The following ZFHX3 variants were observed in gnomAD, a reference collection of about 807,000 sequenced individuals.
ZFHX3 encodes zinc finger homeobox protein 3.
ZFHX3 carries 42 observed loss-of-function variants against 279.1 expected under a neutral mutation model. The ratio of observed to expected loss-of-function variants is 0.15; its 90% CI spans 0.12 to 0.19. ZFHX3 has a LOEUF of 0.19. ZFHX3 is among the 10% of genes least tolerant of loss of function. ZFHX3 has a pLI of 1.00. For missense variants in ZFHX3, 4,981 were observed against 4,754.0 expected (o/e 1.05, Z -1.40); for synonymous variants, 2,293 against 1,957.8 (o/e 1.17, Z -4.52).
At chr16:73,383,496 A>C (rs578089021) in intron 3 of ZFHX3, among the ~76,000 whole-genome samples, 1 of 152,196 alleles carries the variant, frequency 6.6e-6, no homozygotes, top group African/African-American at 2.4e-5. Context: ...ACGCACACAG[A>C]CGAGAGCTGC....
chr16:73,858,613 A>G (rs887295628), intron 1 of ZFHX3, among the ~76,000 whole-genome samples: 1 of 152,238 alleles, frequency 6.6e-6, no homozygotes, highest in African/African-American at 2.4e-5. Flanking sequence ...TGTCTTGTAA[A>G]TAGATGACAT....
chr16:72,814,403 G>C (rs2036546735), intron 5 of ZFHX3, among the ~76,000 whole-genome samples: 2 of 152,134 alleles, frequency 1.3e-5, no homozygotes. Flanking sequence ...TGGGCACCGA[G>C]GCTGAGACCA....
At chr16:73,763,646 T>G (rs2053896028) in intron 1 of ZFHX3, among the ~76,000 whole-genome samples, 1 of 152,134 alleles carries the variant, frequency 6.6e-6, no homozygotes, top group South Asian at 2.1e-4. Flanking sequence ...TCCTTTTGAA[T>G]GGGTGTGGAA....
intron 3 of ZFHX3, among the ~76,000 whole-genome samples, chr16:72,937,600 G>T (rs1195463448): frequency 2.0e-5 from 3 of 152,230 alleles, no homozygotes; most frequent in Non-Finnish European, 2.9e-5. Flanking sequence ...AGCCCCCATG[G>T]AGGACCAGGT....
At chr16:73,613,672 G>T (rs1415188691) in intron 2 of ZFHX3, among the ~76,000 whole-genome samples, 1 of 152,196 alleles carries the variant, frequency 6.6e-6, no homozygotes, top group Non-Finnish European at 1.5e-5. Context: ...GTCCTAAATG[G>T]AGTATTATAG....
intron 1 of ZFHX3, among the ~76,000 whole-genome samples, chr16:73,765,496 G>C (rs1392855243): frequency 1.3e-5 from 2 of 152,230 alleles, no homozygotes; most frequent in Non-Finnish European, 2.9e-5. Flanking sequence ...TGTGAGGCTA[G>C]TTAAGGCTGT....
chr16:72,954,396 T>C (rs1200838864), intron 2 of ZFHX3, among the ~76,000 whole-genome samples: 2 of 152,002 alleles, frequency 1.3e-5, no homozygotes, highest in Non-Finnish European at 2.9e-5. Flanking sequence ...AAAAAAGAAC[T>C]TGGCAGGTCC....
intron 3 of ZFHX3, among the ~76,000 whole-genome samples, chr16:73,386,470 T>G (rs887581010): frequency 6.6e-6 from 1 of 152,202 alleles, no homozygotes; most frequent in Non-Finnish European, 1.5e-5. Context: ...ATAAGGCATA[T>G]AGTGGTTACG....
intron 4 of ZFHX3, among the ~76,000 whole-genome samples, chr16:73,259,677 A>T (rs896960713): frequency 1.3e-5 from 2 of 152,230 alleles, no homozygotes; most frequent in African/African-American, 4.8e-5. Flanking sequence ...GAACGTAAAA[A>T]AATAATTTCA....
At chr16:73,087,688 T>C (rs1409014496) in intron 8 of ZFHX3, among the ~76,000 whole-genome samples, 6 of 152,172 alleles carry the variant, frequency 3.9e-5, no homozygotes, top group Non-Finnish European at 4.4e-5. Flanking sequence ...TAATGTCAGT[T>C]TGGGCTCTTT....
intron 2 of ZFHX3, among the ~76,000 whole-genome samples, chr16:73,458,777 T>C (rs2018422120): frequency 6.6e-6 from 1 of 152,240 alleles, no homozygotes; most frequent in African/African-American, 2.4e-5. Context: ...TTTAAAATGA[T>C]TTCCGATTGT....
rs561634666 is a variant in ZFHX3 at position 72,959,065 on chromosome 16, C to T, written c.1081G>A (p.Gly361Arg). Residue 361 changes from glycine (G) to arginine (R), a missense_variant, in exon 2 of 10, where the codon GGA becomes AGA. Gly to Arg is a moderately radical substitution (Grantham distance 125). Coordinates refer to ENST00000268489, the MANE Select transcript of ZFHX3 (RefSeq NM_006885.4). The stretch of plus-strand genomic sequence containing the variant: ...CTAAATTTACCATAAAAACTGTGTC[C>T]GGGGCCTATGAGGTTAGCTGTGGAA... ...LVSTANLIGP[G>R]HSFYGKFSGI... The T allele has an allele frequency of 2.5e-5, 41 of 1,614,182 alleles. No homozygotes were observed. Among genetic ancestry groups the T allele is most frequent in the South Asian group, 8.8e-5 (8 of 91,092 alleles).
At chr16:73,429,253 G>A (rs1027902287) in intron 3 of ZFHX3, among the ~76,000 whole-genome samples, 2 of 152,132 alleles carry the variant, frequency 1.3e-5, no homozygotes, top group African/African-American at 4.8e-5. Flanking sequence ...AGCCGATAGA[G>A]TCCAGCCTTC....
intron 1 of ZFHX3, among the ~76,000 whole-genome samples, chr16:73,743,838 A>G (rs1456656424): frequency 6.6e-6 from 1 of 152,146 alleles, no homozygotes. Flanking sequence ...CACTGCAAAC[A>G]GCTGCAGACA....
chr16:73,649,809 C>A (rs577611648), intron 2 of ZFHX3, among the ~76,000 whole-genome samples: 1 of 152,020 alleles, frequency 6.6e-6, no homozygotes, highest in Non-Finnish European at 1.5e-5. Context: ...CTCAACATAG[C>A]AATAATTCAT....
At chr16:73,759,451 T>A (rs2053841617) in intron 1 of ZFHX3, among the ~76,000 whole-genome samples, 1 of 152,174 alleles carries the variant, frequency 6.6e-6, no homozygotes, top group South Asian at 2.1e-4. Flanking sequence ...CAAGGGAAGC[T>A]GAGAAATGTA....
intron 3 of ZFHX3, among the ~76,000 whole-genome samples, chr16:73,414,798 C>G (rs1009275585): frequency 6.6e-6 from 1 of 152,156 alleles, no homozygotes; most frequent in Non-Finnish European, 1.5e-5. Context: ...ATTGCGCCAC[C>G]GCACTTTAGA....
At chr16:73,350,792 T>C (rs1209251544) in intron 3 of ZFHX3, among the ~76,000 whole-genome samples, 1 of 152,198 alleles carries the variant, frequency 6.6e-6, no homozygotes, top group Non-Finnish European at 1.5e-5. Context: ...TGAGCAGCTT[T>C]GAGAGTCTGC....
intron 3 of ZFHX3, among the ~76,000 whole-genome samples, chr16:72,907,672 T>C (rs1252819097): frequency 1.4e-5 from 2 of 140,110 alleles, no homozygotes; most frequent in Non-Finnish European, 3.1e-5. Context: ...TGCTAGATCC[T>C]CCAAATTCCT....
Sources: gnomAD v4.1 joint callset for allele counts (sites outside exome capture counted in the v4.1 genomes callset) on GRCh38, gnomAD v4.1.1 for gene constraint, MANE v1.5 for transcripts, NCBI Gene and HGNC (gene_info 2026-07-23, HGNC 2026-07-21) for gene names.